The following HGF variants were observed in gnomAD, a reference collection of about 807,000 sequenced individuals.
The protein encoded by HGF is hepatocyte growth factor.
In HGF, 39 loss-of-function variants were observed where a neutral mutation model predicts 111.6. The ratio of observed to expected loss-of-function variants is 0.35; its 90% CI spans 0.27 to 0.46. HGF has a LOEUF of 0.46. Ranked by LOEUF, HGF falls within the 20% of genes least tolerant of loss-of-function variation. HGF has a pLI of 1.00. For synonymous variants in HGF, 285 were observed against 294.8 expected (o/e 0.97, Z 0.34); for missense variants, 735 against 910.5 (o/e 0.81, Z 2.48).
At chr7:81,725,257 T>C (rs566377029) in intron 9 of HGF, among the ~76,000 whole-genome samples, 1 of 152,222 alleles carries the variant, frequency 6.6e-6, no homozygotes, top group African/African-American at 2.4e-5. Context: ...GCCTCTCTAA[T>C]CTCATCTCCT....
At chr7:81,707,427 G>T in intron 13 of HGF, 63 bp from the exon 14 acceptor site, 1 of 930,794 alleles carries the variant, frequency 1.1e-6, no homozygotes, top group Admixed American at 1.7e-5. Flanking sequence ...GCCAATTAAT[G>T]CAAAGCCTGT....
chr7:81,733,268 T>A (rs915483785), intron 7 of HGF, among the ~76,000 whole-genome samples: 16 of 152,020 alleles, frequency 1.1e-4, no homozygotes, highest in African/African-American at 3.8e-4. Flanking sequence ...TCAAATTTTT[T>A]AAATTATAGA....
intron 4 of HGF, among the ~76,000 whole-genome samples, chr7:81,754,271 T>C (rs912608087): frequency 6.6e-6 from 1 of 151,994 alleles, no homozygotes; most frequent in Non-Finnish European, 1.5e-5. Context: ...TCATTTTATA[T>C]ATTAAGATTA....
At chr7:81,743,581 A>G in intron 6 of HGF, 110 bp from the exon 7 acceptor site, 1 of 794,044 alleles carries the variant, frequency 1.3e-6, no homozygotes, top group South Asian at 1.4e-5. Context: ...AGCTGGGGAA[A>G]GAGGACGTTT....
At chr7:81,735,118 C>T (rs999258479) in intron 7 of HGF, among the ~76,000 whole-genome samples, 2 of 151,994 alleles carry the variant, frequency 1.3e-5, no homozygotes, top group Non-Finnish European at 2.9e-5. Context: ...AGACCAGGAT[C>T]CAGCTCATTA....
rs12536826 is a variant in HGF at position 81,765,352 on chromosome 7, C to T, written c.89-2480G>A. ...TGAAATGTGTTAATGTTTTGTTGTA[C>T]CTCACAAAAACAGTCTACCCTTGCT... On this transcript the variant is annotated intron_variant, in intron 1 of 17. Transcript: ENST00000222390. Among the ~76,000 whole-genome samples, 665 of 152,168 alleles carry T rather than the reference C, an allele frequency of 4.4e-3. 1 individual carries two copies. Among genetic ancestry groups the T allele is most frequent in the Middle Eastern group, 0.014 (4 of 294 alleles).
chr7:81,760,009 G>C (rs1368748418), intron 2 of HGF, among the ~76,000 whole-genome samples: 1 of 152,112 alleles, frequency 6.6e-6, no homozygotes, highest in Non-Finnish European at 1.5e-5. Context: ...AGGATTTCCA[G>C]TTTGCTGATC....
intron 4 of HGF, among the ~76,000 whole-genome samples, chr7:81,752,836 G>A (rs1160864715): frequency 6.6e-6 from 1 of 152,024 alleles, no homozygotes; most frequent in East Asian, 1.9e-4. Flanking sequence ...AAGTAATTTA[G>A]CTTCTCTCAG....
chr7:81,729,815 A>G (rs763011561), intron 7 of HGF, 36 bp from the exon 8 acceptor site: 3 of 1,601,244 alleles, frequency 1.9e-6, no homozygotes, highest in Non-Finnish European at 2.6e-6. Context: ...AAAAACTTAT[A>G]TAAAATCTTT....
intron 8 of HGF, 81 bp from the exon 9 acceptor site, chr7:81,726,098 T>G: frequency 3.7e-6 from 5 of 1,344,026 alleles, no homozygotes; most frequent in Non-Finnish European, 4.3e-6. Context: ...TCTAGAATTC[T>G]AGAATGTATG....
intron 5 of HGF, chr7:81,751,878 G>C (rs982043584): frequency 4.5e-6 from 6 of 1,345,560 alleles, no homozygotes; most frequent in Admixed American, 6.4e-5. Flanking sequence ...TTCCCCAGAG[G>C]GATGTCTCAG....
intron 7 of HGF, among the ~76,000 whole-genome samples, chr7:81,739,665 C>T (rs1272450964): frequency 2.0e-5 from 3 of 152,026 alleles, no homozygotes; most frequent in Non-Finnish European, 4.4e-5. Context: ...TTCTGAGAAA[C>T]ACATGTATCT....
intron 9 of HGF, among the ~76,000 whole-genome samples, chr7:81,723,979 G>A (rs1239123625): frequency 6.6e-6 from 1 of 151,926 alleles, no homozygotes; most frequent in African/African-American, 2.4e-5. Context: ...TTTCACCTAT[G>A]AATGAATGAT....
Position 81,700,060 on chromosome 7 carries a change from A to G in HGF, c.*2521T>C, listed in dbSNP as rs1458283002. The G allele has an allele frequency of 6.6e-6, 1 of 151,792 alleles. No homozygotes were observed. The highest frequency in any genetic ancestry group is 1.5e-5 in the Non-Finnish European group (1 of 67,768). 9.4% of individuals were successfully genotyped at this position (151,792 alleles called of 1,614,324 possible). The stretch of plus-strand genomic sequence containing the variant: ...GACGTGAGAAAATGTCTACAATTAT[A>G]ACAGTACATAACCATTATTCAAACA... On this transcript the variant is annotated 3_prime_UTR_variant, in exon 18 of 18. Transcript: ENST00000222390.
intron 4 of HGF, 93 bp downstream of exon 4, chr7:81,757,096 T>C: frequency 1.3e-6 from 1 of 763,390 alleles, no homozygotes; most frequent in Non-Finnish European, 2.4e-6. Flanking sequence ...TAAGTTATTT[T>C]AGGATTGTAG....
chr7:81,741,375 G>T (rs1428117163), intron 7 of HGF, among the ~76,000 whole-genome samples: 1 of 152,086 alleles, frequency 6.6e-6, no homozygotes, highest in Non-Finnish European at 1.5e-5. Context: ...TAACTAGCCA[G>T]CTCCTTTTTG....
At chr7:81,744,085 G>T (rs1157581043) in intron 6 of HGF, among the ~76,000 whole-genome samples, 1 of 152,064 alleles carries the variant, frequency 6.6e-6, no homozygotes, top group Non-Finnish European at 1.5e-5. Flanking sequence ...AAAATAAGCT[G>T]GAGTTTTAAT....
At chr7:81,730,203 C>T (rs576745796) in intron 7 of HGF, among the ~76,000 whole-genome samples, 10 of 152,240 alleles carry the variant, frequency 6.6e-5, no homozygotes, top group Admixed American at 2.0e-4. Context: ...AATCCCAGCA[C>T]TTTGGGAAGC....
chr7:81,758,930 A>G (rs1788925523), intron 2 of HGF, 126 bp from the exon 3 acceptor site: 1 of 605,194 alleles, frequency 1.7e-6, no homozygotes, highest in African/African-American at 1.9e-5. Flanking sequence ...AATTACATAT[A>G]CATAATAAAA....
Sources: allele counts gnomAD v4.1 joint callset (sites outside exome capture counted in the v4.1 genomes callset), GRCh38; gene constraint gnomAD v4.1.1; transcripts MANE v1.5; gene names NCBI Gene and HGNC (gene_info 2026-07-23, HGNC 2026-07-21).